The following EEPD1 variants were observed in gnomAD, a reference collection of about 807,000 sequenced individuals.
EEPD1 encodes endonuclease/exonuclease/phosphatase family domain-containing protein 1.
In EEPD1, 17 loss-of-function variants were observed where a neutral mutation model predicts 46.3. That is an observed-to-expected ratio of 0.37 (90% CI 0.25 to 0.55). The LOEUF is 0.55. Ranked by LOEUF, EEPD1 falls within the 20% of genes least tolerant of loss-of-function variation. The probability of loss-of-function intolerance (pLI) is 0.83; values close to 1 mark genes in which losing one functional copy is unlikely to be tolerated. For synonymous variants in EEPD1, 313 were observed against 315.6 expected, an observed-to-expected ratio of 0.99 and a Z score of 0.09; for missense variants, 673 against 745.6, an observed-to-expected ratio of 0.90 and a Z score of 1.13.
At chr7:36,272,271 C>T (rs998512463) in intron 3 of EEPD1, among the ~76,000 whole-genome samples, 18 of 152,020 alleles carry the variant, frequency 1.2e-4, no homozygotes, top group Admixed American at 3.9e-4. Flanking sequence ...CATCCAAAGA[C>T]CTTTGGAGAA....
At chr7:36,248,353 G>T (rs1219443028) in intron 3 of EEPD1, among the ~76,000 whole-genome samples, 4 of 151,498 alleles carry the variant, frequency 2.6e-5, no homozygotes, top group Middle Eastern at 3.4e-3. Context: ...TTACAGGCTT[G>T]CACCACCACA....
chr7:36,213,512 A>C (rs1047722100), intron 2 of EEPD1, among the ~76,000 whole-genome samples: 21 of 152,242 alleles, frequency 1.4e-4, no homozygotes, highest in African/African-American at 4.3e-4. Context: ...AATATTGTTC[A>C]GATTATTGGT....
chr7:36,293,174 T>C (rs1253064017), intron 6 of EEPD1, among the ~76,000 whole-genome samples: 1 of 152,076 alleles, frequency 6.6e-6, no homozygotes, highest in Non-Finnish European at 1.5e-5. Flanking sequence ...ATCAAAAATA[T>C]AAAATACTTA....
intron 7 of EEPD1, among the ~76,000 whole-genome samples, chr7:36,298,561 A>AT (rs1424061696): frequency 6.6e-6 from 1 of 151,926 alleles, no homozygotes; most frequent in Non-Finnish European, 1.5e-5. Flanking sequence ...AGCTTCTGTA[A>AT]TTTTTTCTTT....
intron 3 of EEPD1, among the ~76,000 whole-genome samples, chr7:36,259,767 T>C (rs1489738060): frequency 6.6e-6 from 1 of 152,140 alleles, no homozygotes; most frequent in African/African-American, 2.4e-5. Flanking sequence ...CCTCCTGCCT[T>C]AGCCTCCAAG....
At chr7:36,220,585 A>G (rs1786126516) in intron 2 of EEPD1, among the ~76,000 whole-genome samples, 1 of 152,216 alleles carries the variant, frequency 6.6e-6, no homozygotes, top group South Asian at 2.1e-4. Flanking sequence ...GGCAAATGGC[A>G]CTTTGCTCTT....
intron 5 of EEPD1, 74 bp from the exon 6 acceptor site, chr7:36,287,565 T>G: frequency 3.2e-6 from 5 of 1,551,674 alleles, no homozygotes; most frequent in South Asian, 2.4e-5. Context: ...AAGCTATTTA[T>G]GAGTCGGTTG....
intron 3 of EEPD1, among the ~76,000 whole-genome samples, chr7:36,272,177 C>G (rs1332064762): frequency 7.0e-6 from 1 of 142,148 alleles, no homozygotes; most frequent in Non-Finnish European, 1.5e-5. Flanking sequence ...ACCACCACCC[C>G]CTGCCATTAA....
intron 2 of EEPD1, among the ~76,000 whole-genome samples, chr7:36,227,880 G>T (rs1786255056): frequency 6.6e-6 from 1 of 152,132 alleles, no homozygotes; most frequent in Admixed American, 6.5e-5. Flanking sequence ...TAGAGAAGGG[G>T]TTTCACCATG....
intron 3 of EEPD1, among the ~76,000 whole-genome samples, chr7:36,245,242 C>T (rs1343961921): frequency 6.6e-6 from 1 of 152,198 alleles, no homozygotes; most frequent in African/African-American, 2.4e-5. Context: ...GCTACCGCGC[C>T]TGGCCACAGA....
intron 2 of EEPD1, among the ~76,000 whole-genome samples, chr7:36,170,781 G>A (rs1035115628): frequency 6.6e-6 from 1 of 152,088 alleles, no homozygotes; most frequent in Non-Finnish European, 1.5e-5. Context: ...TAGATTACCT[G>A]TTCATCCCCC....
chr7:36,155,300 G>A, intron 2 of EEPD1, 98 bp downstream of exon 2: 2 of 1,361,442 alleles, frequency 1.5e-6, no homozygotes, highest in Non-Finnish European at 1.9e-6. Context: ...CGGGTAGGGA[G>A]GGTGCAAGAG....
In EEPD1 at chr7:36,216,221, A is replaced by C. The variant is rs10951466; in HGVS notation, c.879-22764A>C. ...GTTCCAAAGCTCAGCTAAGTTGTTT[A>C]TTGACTGCCCCGCACAAGGCTGCTG... On this transcript the variant is annotated intron_variant, in intron 2 of 7. Coordinates refer to ENST00000242108, the MANE Select transcript of EEPD1 (RefSeq NM_030636.3). Among the ~76,000 whole-genome samples, 539 of 152,102 alleles carry C rather than the reference A, an allele frequency of 3.5e-3. 4 individuals carry two copies. Among genetic ancestry groups the C allele is most frequent in the African/African-American group, 0.012 (506 of 41,474 alleles).
intron 6 of EEPD1, 120 bp downstream of exon 6, chr7:36,287,897 C>G: frequency 1.4e-6 from 2 of 1,407,560 alleles, no homozygotes; most frequent in Non-Finnish European, 1.9e-6. Flanking sequence ...GTCGCGGGTA[C>G]AGGGGACAGT....
At chr7:36,219,806 A>AGAGAGAGAGAGAGTGTGTGTGT (rs1341203087) in intron 2 of EEPD1, among the ~76,000 whole-genome samples, 2 of 75,400 alleles carry the variant, frequency 2.7e-5, no homozygotes, top group Non-Finnish European at 5.3e-5. Flanking sequence ...AGAGAGAGAG[A>AGAGAGAGAGAGAGTGTGTGTGT]GTGTGTGTGT....
At chr7:36,246,284 G>A (rs1226080102) in intron 3 of EEPD1, among the ~76,000 whole-genome samples, 1 of 152,172 alleles carries the variant, frequency 6.6e-6, no homozygotes, top group East Asian at 1.9e-4. Flanking sequence ...ATGCTGTGAG[G>A]GCAGTGGTGG....
Position 36,298,920 on chromosome 7 carries a change from G to T in EEPD1, c.1511-87G>T. ...CGGGCACCCCGGCCTGCAGACATGCGGTGTGACCCTCCACCTGCCAATCCA... is the reference window on the plus strand; with the variant it reads ...CGGGCACCCCGGCCTGCAGACATGCTGTGTGACCCTCCACCTGCCAATCCA... On this transcript the variant is annotated intron_variant, in intron 7 of 7. Transcript: ENST00000242108. The T allele has an allele frequency of 2.7e-6, 4 of 1,482,844 alleles. 1 individual carries two copies. In the South Asian group the frequency reaches 5.0e-5, roughly 19 times the overall value. 91.9% of individuals were successfully genotyped at this position (1,482,844 alleles called of 1,614,324 possible).
intron 2 of EEPD1, among the ~76,000 whole-genome samples, chr7:36,206,390 C>T (rs1359391220): frequency 6.6e-6 from 1 of 151,404 alleles, no homozygotes; most frequent in African/African-American, 2.4e-5. Context: ...CACTTATGCA[C>T]ATAATCAATA....
At chr7:36,176,912 C>T (rs1276906703) in intron 2 of EEPD1, among the ~76,000 whole-genome samples, 7 of 152,166 alleles carry the variant, frequency 4.6e-5, no homozygotes, top group African/African-American at 1.7e-4. Flanking sequence ...TGAATGTCCT[C>T]AGTGGAAGGA....
Sources: allele counts gnomAD v4.1 joint callset (sites outside exome capture counted in the v4.1 genomes callset), GRCh38; gene constraint gnomAD v4.1.1; transcripts MANE v1.5; gene names NCBI Gene and HGNC (gene_info 2026-07-23, HGNC 2026-07-21).